Variants in EXOC4 observed in about 807,000 individuals in gnomAD.
EXOC4 encodes the protein SEC8-like 1.
A neutral mutation model predicts 107.2 loss-of-function variants in EXOC4; 71 were observed. The observed-to-expected ratio is 0.66, with a 90% confidence interval of 0.55 to 0.81. The LOEUF (loss-of-function observed/expected upper bound fraction) is 0.81. EXOC4 is among the 30% of genes least tolerant of loss of function. The pLI, the probability that EXOC4 is intolerant of heterozygous loss-of-function variation, is 0.00. For synonymous variants in EXOC4, 456 were observed against 441.2 expected, an observed-to-expected ratio of 1.03 and a Z score of -0.42; for missense variants, 1,108 against 1,189.6, an observed-to-expected ratio of 0.93 and a Z score of 1.01.
chr7:133,701,381 A>G (rs1794651852), intron 10 of EXOC4, among the ~76,000 whole-genome samples: 1 of 152,178 alleles, frequency 6.6e-6, no homozygotes, highest in Non-Finnish European at 1.5e-5. Flanking sequence ...CAAAATGGAA[A>G]CATTTGCCTG....
intron 9 of EXOC4, among the ~76,000 whole-genome samples, chr7:133,560,558 A>C (rs1403366334): frequency 6.6e-6 from 1 of 152,206 alleles, no homozygotes; most frequent in Non-Finnish European, 1.5e-5. Context: ...TGATGGGATT[A>C]TAGGCGTGAG....
intron 14 of EXOC4, among the ~76,000 whole-genome samples, chr7:133,982,347 T>C (rs1295654449): frequency 6.6e-6 from 1 of 152,098 alleles, no homozygotes; most frequent in Non-Finnish European, 1.5e-5. Flanking sequence ...GGTCAGGAGA[T>C]CGAGACCATC....
chr7:133,546,604 C>A (rs1451130351), intron 9 of EXOC4, among the ~76,000 whole-genome samples: 1 of 152,096 alleles, frequency 6.6e-6, no homozygotes, highest in Admixed American at 6.5e-5. Context: ...AGTCATATAA[C>A]TATCACCACA....
chr7:133,480,197 C>T (rs1328230863), intron 9 of EXOC4, 59 bp downstream of exon 9: 2 of 1,591,112 alleles, frequency 1.3e-6, no homozygotes, highest in African/African-American at 2.7e-5. Context: ...TCCTTTATTA[C>T]ACATGAGTTT....
intron 9 of EXOC4, among the ~76,000 whole-genome samples, chr7:133,540,625 G>C (rs1325287411): frequency 6.6e-6 from 1 of 152,146 alleles, no homozygotes; most frequent in East Asian, 1.9e-4. Context: ...ATATATGTAT[G>C]TGTGTGTGTC....
chr7:133,442,677 G>T (rs1333080775), intron 7 of EXOC4, among the ~76,000 whole-genome samples: 2 of 152,104 alleles, frequency 1.3e-5, no homozygotes, highest in Non-Finnish European at 2.9e-5. Context: ...GAGAAGGGAT[G>T]ATTAATAAAG....
At chr7:133,787,744 T>G (rs1796604938) in intron 10 of EXOC4, among the ~76,000 whole-genome samples, 1 of 151,130 alleles carries the variant, frequency 6.6e-6, no homozygotes, top group Non-Finnish European at 1.5e-5. Flanking sequence ...CTCATCCTGT[T>G]ATGAGGGCTC....
At chr7:134,060,812 T>G (rs1796039309) in intron 17 of EXOC4, among the ~76,000 whole-genome samples, 5 of 152,220 alleles carry the variant, frequency 3.3e-5, no homozygotes, top group Admixed American at 2.6e-4. Flanking sequence ...TTTAAATATT[T>G]ATGATTCTTT....
chr7:134,091,658 C>T, the EXOC4 span, among the ~76,000 whole-genome samples: 643 of 152,276 alleles, frequency 4.2e-3, 3 homozygotes, highest in African/African-American at 0.015. Flanking sequence ...ACCCATAAAT[C>T]TTATATACTG....
At chr7:133,368,066 A>G (rs1448368109) in intron 6 of EXOC4, among the ~76,000 whole-genome samples, 1 of 152,176 alleles carries the variant, frequency 6.6e-6, no homozygotes, top group Non-Finnish European at 1.5e-5. Context: ...TTTGCCCTCA[A>G]AATTTGACTG....
At position 133,742,962 on chromosome 7, in the gene EXOC4, G is replaced by A. The variant is rs771983116; in HGVS notation, c.1515-74363G>A. On this transcript the variant is annotated intron_variant, in intron 10 of 17. Coordinates refer to ENST00000253861, the MANE Select transcript of EXOC4 (RefSeq NM_021807.4). ...CAAAGGCACAACAGACAGCAAAGAC[G>A]TTTAACAAAGATTCTTGCTGTGTAG... 3.7e-4 allele frequency among the ~76,000 whole-genome samples: 57 copies of A among 152,182 alleles called. 2 individuals carry two copies. The highest frequency in any genetic ancestry group is 1.0e-4 in the Non-Finnish European group (7 of 68,032).
intron 13 of EXOC4, among the ~76,000 whole-genome samples, chr7:133,934,051 A>C (rs1800241791): frequency 6.6e-6 from 1 of 152,186 alleles, no homozygotes; most frequent in African/African-American, 2.4e-5. Flanking sequence ...AGTTTATTTT[A>C]CACAACTGCA....
the EXOC4 span, among the ~76,000 whole-genome samples, chr7:134,074,461 G>T: frequency 6.6e-6 from 1 of 151,932 alleles, no homozygotes; most frequent in African/African-American, 2.4e-5. Flanking sequence ...AATTTTGGGT[G>T]GGGGGTTGGC....
chr7:133,423,992 T>G (rs1250838995), intron 7 of EXOC4, among the ~76,000 whole-genome samples: 2 of 152,128 alleles, frequency 1.3e-5, no homozygotes, highest in African/African-American at 4.8e-5. Flanking sequence ...TGGAGAACTT[T>G]TCTGTCTAGC....
chr7:133,874,194 A>G lies in EXOC4; in HGVS notation c.1735-21405A>G, dbSNP rs937521503. Among the ~76,000 whole-genome samples the G allele has an allele frequency of 1.3e-4, 20 of 152,348 alleles. No homozygotes were observed. In the East Asian group the frequency reaches 1.3e-3, roughly 10 times the overall value. On this transcript the variant is annotated intron_variant, in intron 11 of 17. Transcript: ENST00000253861. The stretch of plus-strand genomic sequence containing the variant: ...GAAGAAAAGGAGAGCAACTTGTTCA[A>G]TATCTCAAAGTCAATGTTAAAATTA...
chr7:133,694,968 A>G (rs1054221669), intron 10 of EXOC4, among the ~76,000 whole-genome samples: 2 of 152,070 alleles, frequency 1.3e-5, no homozygotes, highest in Non-Finnish European at 2.9e-5. Flanking sequence ...GATTACAGGC[A>G]TGCACCACCA....
At chr7:133,819,085 C>T (rs1797445715) in intron 11 of EXOC4, among the ~76,000 whole-genome samples, 1 of 152,110 alleles carries the variant, frequency 6.6e-6, no homozygotes, top group Non-Finnish European at 1.5e-5. Context: ...CCAGGTGACA[C>T]ATCCTCCATA....
chr7:133,289,092 C>T lies in EXOC4; in HGVS notation c.447C>T (p.His149=), dbSNP rs1282334438. 13 of 1,613,998 alleles carry T rather than the reference C, an allele frequency of 8.1e-6. No homozygotes were observed. The East Asian group carries it at 2.7e-4, about 33-fold the overall frequency. The stretch of plus-strand genomic sequence containing the variant: ...TGGAACAGTGCATGGCCAGCAAGCA[C>T]TATCTCAGTGCCACTGACATGTTGG... The part of the protein sequence containing the change: ...QKLEQCMASK[H]YLSATDMLVS... Residue 149 remains histidine, a synonymous_variant, in exon 3 of 18, where the codon CAC becomes CAT. Coordinates refer to ENST00000253861, the MANE Select transcript of EXOC4 (RefSeq NM_021807.4).
intron 9 of EXOC4, among the ~76,000 whole-genome samples, chr7:133,626,596 G>A (rs778603766): frequency 6.6e-6 from 1 of 152,218 alleles, no homozygotes; most frequent in East Asian, 1.9e-4. Flanking sequence ...ATTTCTGCCC[G>A]AACTTTACTT....
Sources: allele counts gnomAD v4.1 joint callset (sites outside exome capture counted in the v4.1 genomes callset), GRCh38; gene constraint gnomAD v4.1.1; transcripts MANE v1.5; gene names NCBI Gene and HGNC (gene_info 2026-07-23, HGNC 2026-07-21).